Variants in CSMD1 observed in about 807,000 individuals in gnomAD.
The protein encoded by CSMD1 is CUB and Sushi multiple domains 1.
A neutral mutation model predicts 417.5 loss-of-function variants in CSMD1; 213 were observed. That is an observed-to-expected ratio of 0.51 (90% CI 0.46 to 0.57). CSMD1 has a LOEUF of 0.57. Ranked by LOEUF, CSMD1 falls within the 20% of genes least tolerant of loss-of-function variation. CSMD1 has a pLI of 0.00. For synonymous variants in CSMD1, 2,862 were observed against 1,736.8 expected (o/e 1.65, Z -16.11); for missense variants, 6,923 against 4,529.7 (o/e 1.53, Z -15.17).
At position 4,604,608 on chromosome 8, in the gene CSMD1, G is replaced by C. The variant is rs75035604; in HGVS notation, c.302+32734C>G. On this transcript the variant is annotated intron_variant, in intron 2 of 69. Transcript: ENST00000635120. ...ATACCTAGCTTAAAAATGTTAAAAAGTGAAACTAAAGTTAAATCTCTGCAA... is the reference window on the plus strand; with the variant it reads ...ATACCTAGCTTAAAAATGTTAAAAACTGAAACTAAAGTTAAATCTCTGCAA... Among the ~76,000 whole-genome samples the C allele has an allele frequency of 2.1e-4, 32 of 152,136 alleles. No homozygotes were observed. The East Asian group carries it at 5.8e-3, about 28-fold the overall frequency.
chr8:3,964,774 T>G (rs115333383), intron 5 of CSMD1, among the ~76,000 whole-genome samples: 1 of 152,232 alleles, frequency 6.6e-6, no homozygotes, highest in Non-Finnish European at 1.5e-5. Context: ...AAAGGACTAA[T>G]GTATCCAACA....
chr8:3,442,174 G>C (rs1028208571), intron 12 of CSMD1, among the ~76,000 whole-genome samples: 7 of 151,552 alleles, frequency 4.6e-5, no homozygotes, highest in Non-Finnish European at 8.8e-5. Context: ...AAATGTTATA[G>C]CAAAACAATA....
At chr8:4,700,814 G>A (rs767061069) in intron 1 of CSMD1, among the ~76,000 whole-genome samples, 1 of 152,114 alleles carries the variant, frequency 6.6e-6, no homozygotes, top group Non-Finnish European at 1.5e-5. Flanking sequence ...GAACGGATTA[G>A]AGCATGAAAA....
Position 3,205,514 on chromosome 8 carries a change from T to G in CSMD1, c.4974A>C (p.Pro1658=), listed in dbSNP as rs1414978939. Residue 1658 remains proline, a synonymous_variant, in exon 31 of 70, where the codon CCA becomes CCC. Coordinates refer to ENST00000635120, the MANE Select transcript of CSMD1 (RefSeq NM_033225.6). ...CAAGGACATCCTTACCGAATTCCTTTGGTACCGTGATGGAATAGAGGCATA... is the reference window on the plus strand; with the variant it reads ...CAAGGACATCCTTACCGAATTCCTTGGGTACCGTGATGGAATAGAGGCATA... ...GQICLYSITV[P]KEFVVFGQFA... is the part of the protein sequence containing the mutation. 1 of 1,536,062 alleles carries G rather than the reference T, an allele frequency of 6.5e-7. No homozygotes were observed. Among genetic ancestry groups the G allele is most frequent in the Non-Finnish European group, 8.9e-7 (1 of 1,119,676 alleles).
At chr8:4,764,675 A>C in intron 1 of CSMD1, among the ~76,000 whole-genome samples, 1 of 136,570 alleles carries the variant, frequency 7.3e-6, no homozygotes, top group East Asian at 2.2e-4. Flanking sequence ...TCAAAACATA[A>C]AAATTTGTTA....
At chr8:3,641,537 A>G (rs1433668968) in intron 7 of CSMD1, among the ~76,000 whole-genome samples, 1 of 152,238 alleles carries the variant, frequency 6.6e-6, no homozygotes, top group Non-Finnish European at 1.5e-5. Flanking sequence ...TTCAGCACAC[A>G]GAAAGGGAGT....
chr8:4,522,839 T>C (rs1226732525), intron 2 of CSMD1, among the ~76,000 whole-genome samples: 2 of 152,116 alleles, frequency 1.3e-5, no homozygotes, highest in Non-Finnish European at 2.9e-5. Context: ...CACTAATAGA[T>C]CCTTTTCAGG....
chr8:3,076,425 G>A (rs1256823474), intron 49 of CSMD1, among the ~76,000 whole-genome samples: 1 of 74,656 alleles, frequency 1.3e-5, no homozygotes, highest in Non-Finnish European at 2.8e-5. Flanking sequence ...CCATTCTAAG[G>A]TACTGGCAGT....
chr8:3,600,634 C>T (rs1801317953), intron 8 of CSMD1, among the ~76,000 whole-genome samples: 1 of 152,146 alleles, frequency 6.6e-6, no homozygotes, highest in South Asian at 2.1e-4. Flanking sequence ...TGGAAAACGA[C>T]TGGTGACCCC....
intron 5 of CSMD1, among the ~76,000 whole-genome samples, chr8:3,841,390 T>A (rs961169348): frequency 6.6e-6 from 1 of 152,174 alleles, no homozygotes; most frequent in Non-Finnish European, 1.5e-5. Flanking sequence ...CCTCAAGCAA[T>A]GTGTTTGATT....
intron 3 of CSMD1, among the ~76,000 whole-genome samples, chr8:4,363,047 G>A (rs2128908513): frequency 6.6e-6 from 1 of 152,188 alleles, no homozygotes; most frequent in East Asian, 1.9e-4. Context: ...ACTACGGAAG[G>A]GAGAAAATTG....
At chr8:4,506,916 C>T (rs1802555020) in intron 2 of CSMD1, among the ~76,000 whole-genome samples, 1 of 152,118 alleles carries the variant, frequency 6.6e-6, no homozygotes, top group Non-Finnish European at 1.5e-5. Context: ...ATCTTAGGTA[C>T]ATTTTTCTGT....
chr8:3,964,055 C>T (rs1386855083), intron 5 of CSMD1, among the ~76,000 whole-genome samples: 5 of 152,178 alleles, frequency 3.3e-5, no homozygotes, highest in Non-Finnish European at 5.9e-5. Context: ...ATTGATAGCA[C>T]AGCATGAGGT....
At chr8:4,356,214 T>C (rs1801422421) in intron 3 of CSMD1, among the ~76,000 whole-genome samples, 1 of 152,200 alleles carries the variant, frequency 6.6e-6, no homozygotes, top group Non-Finnish European at 1.5e-5. Context: ...TGTTTGGTTT[T>C]CCATTCCTGA....
At chr8:4,268,023 A>G (rs1193780264) in intron 3 of CSMD1, among the ~76,000 whole-genome samples, 1 of 152,138 alleles carries the variant, frequency 6.6e-6, no homozygotes, top group African/African-American at 2.4e-5. Flanking sequence ...TAAGACATAT[A>G]TACGAGGTCA....
intron 5 of CSMD1, 131 bp downstream of exon 5, chr8:3,997,772 A>G (rs1291783821): frequency 2.6e-6 from 2 of 775,406 alleles, no homozygotes; most frequent in Non-Finnish European, 4.1e-6. Flanking sequence ...GAGCCAAAAG[A>G]GCAAGGCGAA....
chr8:4,032,215 C>G (rs1266931916), intron 3 of CSMD1, 116 bp from the exon 4 acceptor site: 2 of 678,958 alleles, frequency 2.9e-6, no homozygotes, highest in African/African-American at 3.6e-5. Context: ...CCTCTAGCAT[C>G]AGAAAAATAT....
intron 12 of CSMD1, among the ~76,000 whole-genome samples, chr8:3,452,373 G>C (rs894579346): frequency 2.2e-4 from 33 of 152,172 alleles, no homozygotes; most frequent in Non-Finnish European, 3.7e-4. Context: ...AGTGGTGAGA[G>C]AGGGCACTCC....
chr8:4,014,596 G>A (rs990262072), intron 4 of CSMD1, among the ~76,000 whole-genome samples: 1 of 152,152 alleles, frequency 6.6e-6, no homozygotes, highest in African/African-American at 2.4e-5. Context: ...TATCACTCCT[G>A]TGAGATTAAA....
Sources: gnomAD v4.1 joint callset for allele counts (sites outside exome capture counted in the v4.1 genomes callset) on GRCh38, gnomAD v4.1.1 for gene constraint, MANE v1.5 for transcripts, NCBI Gene and HGNC (gene_info 2026-07-23, HGNC 2026-07-21) for gene names.